The following SLIT1 variants were observed in gnomAD, a reference collection of about 807,000 sequenced individuals.
The protein encoded by SLIT1 is slit guidance ligand 1.
In SLIT1, 66 loss-of-function variants were observed where a neutral mutation model predicts 186.1. The ratio of observed to expected loss-of-function variants is 0.35; its 90% confidence interval spans 0.29 to 0.44. SLIT1 has a LOEUF of 0.44. Among genes scored for constraint, SLIT1 ranks in the 20% least tolerant of loss-of-function variants. The probability of loss-of-function intolerance (pLI) is 1.00; values close to 1 mark genes in which losing one functional copy is unlikely to be tolerated. For synonymous variants in SLIT1, 761 were observed against 833.8 expected, an observed-to-expected ratio of 0.91 and a Z score of 1.50; for missense variants, 1,638 against 2,037.4, an observed-to-expected ratio of 0.80 and a Z score of 3.77.
At chr10:97,046,926 G>T in intron 17 of SLIT1, 65 bp downstream of exon 17, 2 of 1,555,052 alleles carry the variant, frequency 1.3e-6, no homozygotes. Flanking sequence ...CCCCACCCTG[G>T]CATTTCCCTT....
chr10:97,066,695 C>T (rs1000131194), intron 4 of SLIT1, among the ~76,000 whole-genome samples: 3 of 152,208 alleles, frequency 2.0e-5, no homozygotes, highest in Non-Finnish European at 4.4e-5. Context: ...AAGTAGATGC[C>T]TTTGCTTCCC....
intron 4 of SLIT1, chr10:97,103,359 A>G (rs1043240268): frequency 2.0e-5 from 3 of 152,148 alleles, no homozygotes; most frequent in East Asian, 1.9e-4. Flanking sequence ...AGTTGGGGCC[A>G]CACATCTGCT....
chr10:97,185,423 C>T (rs965589885), intron 1 of SLIT1, 55 bp downstream of exon 1: 1 of 1,556,540 alleles, frequency 6.4e-7, no homozygotes, highest in Non-Finnish European at 8.7e-7. Context: ...GGAATTGCGT[C>T]TGGGTGGGAG....
chr10:97,064,964 C>T (rs1241520785), intron 5 of SLIT1, 88 bp from the exon 6 acceptor site: 47 of 967,650 alleles, frequency 4.9e-5, no homozygotes, highest in Non-Finnish European at 7.1e-5. Context: ...TCCATTCATT[C>T]AAAAGAGGTG....
At chr10:97,074,297 C>G (rs948866541) in intron 4 of SLIT1, among the ~76,000 whole-genome samples, 1 of 152,184 alleles carries the variant, frequency 6.6e-6, no homozygotes, top group East Asian at 1.9e-4. Context: ...TGCTCTAATC[C>G]CTCTCCGTTT....
At chr10:97,094,788 T>G (rs1418935473) in intron 4 of SLIT1, among the ~76,000 whole-genome samples, 1 of 152,228 alleles carries the variant, frequency 6.6e-6, no homozygotes, top group African/African-American at 2.4e-5. Flanking sequence ...CTTTGAATTT[T>G]TTTACAATTA....
intron 4 of SLIT1, among the ~76,000 whole-genome samples, chr10:97,132,635 C>T (rs2134696085): frequency 6.6e-6 from 1 of 152,304 alleles, no homozygotes. Context: ...ATGCCAAGGG[C>T]CCCAGCATTT....
intron 4 of SLIT1, among the ~76,000 whole-genome samples, chr10:97,127,746 A>G (rs1276003889): frequency 6.6e-6 from 1 of 152,194 alleles, no homozygotes; most frequent in Non-Finnish European, 1.5e-5. Flanking sequence ...AAGAAAGCAC[A>G]GCGGAGAAAC....
intron 4 of SLIT1, among the ~76,000 whole-genome samples, chr10:97,086,919 A>T (rs1374110815): frequency 6.6e-6 from 1 of 152,138 alleles, no homozygotes; most frequent in African/African-American, 2.4e-5. Flanking sequence ...GGTGATAATG[A>T]TGTGTCAACA....
At chr10:97,059,394 T>C in intron 11 of SLIT1, 66 bp downstream of exon 11, 3 of 1,340,644 alleles carry the variant, frequency 2.2e-6, no homozygotes, top group East Asian at 4.6e-5. Context: ...ACCAGGACCC[T>C]GGGCCCTGCC....
rs1031519346 is a variant in SLIT1 at position 97,184,690 on chromosome 10, AT to A, written c.197+787del. 4.6e-5 allele frequency among the ~76,000 whole-genome samples: 7 copies of A among 152,232 alleles called. No individual in the cohort carries two copies. The East Asian group carries it at 7.7e-4, about 17-fold the overall frequency. ...GACAGAACAGGGGAAGAGAAATGCT[AT>A]TTTTTTATTACTTGTCATGGTCAAT... On this transcript the variant is annotated intron_variant, in intron 1 of 36. Coordinates refer to ENST00000266058, the MANE Select transcript of SLIT1 (RefSeq NM_003061.3). The surrounding 1 kb of genome is among the most constrained non-coding windows in gnomAD (Gnocchi z 4.4).
chr10:97,028,829 A>G (rs1473558919), intron 25 of SLIT1, among the ~76,000 whole-genome samples: 1 of 152,240 alleles, frequency 6.6e-6, no homozygotes, highest in Non-Finnish European at 1.5e-5. Context: ...GGAATCAGAC[A>G]CACCTAAATT....
Position 97,022,004 on chromosome 10 carries a change from T to C in SLIT1, c.2583-591A>G, listed in dbSNP as rs1372098510. Among the ~76,000 whole-genome samples, 8 of 152,194 alleles carry C rather than the reference T, an allele frequency of 5.3e-5. No individual in the cohort carries two copies. The highest frequency in any genetic ancestry group is 7.3e-5 in the Non-Finnish European group (5 of 68,032). Reference sequence around the variant, plus strand: ...AAGATCACACAGAGAAACGGGAAGCTGTTGGGGCCATGCTGTTGGGGCCAG... The same window carrying C: ...AAGATCACACAGAGAAACGGGAAGCCGTTGGGGCCATGCTGTTGGGGCCAG... On this transcript the variant is annotated intron_variant, in intron 25 of 36. Transcript: ENST00000266058. The surrounding 1 kb of genome is among the most constrained non-coding windows in gnomAD (Gnocchi z 4.2).
intron 4 of SLIT1, among the ~76,000 whole-genome samples, chr10:97,129,279 G>A (rs1418591294): frequency 6.6e-6 from 1 of 151,818 alleles, no homozygotes; most frequent in African/African-American, 2.4e-5. Context: ...ATGTGTGCCT[G>A]TAATCCCAGC....
chr10:97,122,480 G>A lies in SLIT1; in HGVS notation c.413+35338C>T, dbSNP rs376265594. On this transcript the variant is annotated intron_variant, in intron 4 of 36. Transcript: ENST00000266058. Reference sequence around the variant, plus strand: ...GAACCCCATCCAGCCCACGAGGTGAGGAGGGAAGCCTTGCTGGGTAAGTGG... The same window carrying A: ...GAACCCCATCCAGCCCACGAGGTGAAGAGGGAAGCCTTGCTGGGTAAGTGG... 6.6e-5 allele frequency among the ~76,000 whole-genome samples: 10 copies of A among 152,348 alleles called. No individual in the cohort carries two copies. In the South Asian group the frequency reaches 1.0e-3, roughly 16 times the overall value.
chr10:97,158,414 C>A (rs1589415258), intron 3 of SLIT1, among the ~76,000 whole-genome samples: 1 of 152,044 alleles, frequency 6.6e-6, no homozygotes, highest in East Asian at 1.9e-4. Flanking sequence ...GTAATCCCAG[C>A]ACTTTGGGAG....
chr10:97,051,192 A>G (rs1564662612), intron 13 of SLIT1, among the ~76,000 whole-genome samples: 1 of 152,090 alleles, frequency 6.6e-6, no homozygotes, highest in Admixed American at 6.5e-5. Context: ...ATTAGTCATT[A>G]GGGAAATGCA....
rs1359653000 is a variant in SLIT1 at position 97,006,067 on chromosome 10, G to A, written c.3579+416C>T. 2.0e-5 allele frequency among the ~76,000 whole-genome samples: 3 copies of A among 152,308 alleles called. No individual in the cohort carries two copies. The highest frequency in any genetic ancestry group is 4.4e-5 in the Non-Finnish European group (3 of 68,030). Reference sequence around the variant, plus strand: ...TGTTCTGAGATGGAACTGAAGGCATGAAAAGGATGAGTTAAGGGACCCTAG... The same window carrying A: ...TGTTCTGAGATGGAACTGAAGGCATAAAAAGGATGAGTTAAGGGACCCTAG... On this transcript the variant is annotated intron_variant, in intron 32 of 36. Coordinates refer to ENST00000266058, the MANE Select transcript of SLIT1 (RefSeq NM_003061.3). This position sits in a 1 kb window ranked among gnomAD's most constrained non-coding sequence, Gnocchi z 4.0.
chr10:97,134,492 G>T (rs1485377101), intron 4 of SLIT1, among the ~76,000 whole-genome samples: 1 of 152,084 alleles, frequency 6.6e-6, no homozygotes, highest in African/African-American at 2.4e-5. Flanking sequence ...TATGCCGGCC[G>T]AGTCTCCATT....
Sources: gnomAD v4.1 joint callset for allele counts (sites outside exome capture counted in the v4.1 genomes callset) on GRCh38, gnomAD v4.1.1 for gene constraint, Gnocchi (gnomAD v3.1) non-coding constraint, MANE v1.5 for transcripts, NCBI Gene and HGNC (gene_info 2026-07-23, HGNC 2026-07-21) for gene names.